The following FRS3 variants were observed in gnomAD, a reference collection of about 807,000 sequenced individuals.
FRS3 encodes the protein FGFR substrate 3.
FRS3 carries 17 observed loss-of-function variants against 41.9 expected under a neutral mutation model. The ratio of observed to expected loss-of-function variants is 0.41; its 90% CI spans 0.28 to 0.61. The LOEUF (loss-of-function observed/expected upper bound fraction) is 0.61. Among genes scored for constraint, FRS3 ranks in the 20% least tolerant of loss-of-function variants. FRS3 has a pLI of 0.36. For missense variants in FRS3, 619 were observed against 672.1 expected, an observed-to-expected ratio of 0.92 and a Z score of 0.87; for synonymous variants, 287 against 274.5, an observed-to-expected ratio of 1.05 and a Z score of -0.45.
At chr6:41,779,169 G>A (rs1772473350) in intron 1 of FRS3, among the ~76,000 whole-genome samples, 1 of 152,140 alleles carries the variant, frequency 6.6e-6, no homozygotes, top group Non-Finnish European at 1.5e-5. Flanking sequence ...TGGGGGAGGG[G>A]CTGAATTTCC....
At position 41,770,932 on chromosome 6, in the gene FRS3, G is replaced by A; in HGVS notation, c.1166C>T (p.Pro389Leu). 3 of 1,612,492 alleles carry A rather than the reference G, an allele frequency of 1.9e-6. No homozygotes were observed. Among genetic ancestry groups the A allele is most frequent in the Non-Finnish European group, 2.5e-6 (3 of 1,179,962 alleles). ...AIRSHGSFPV[P>L]LTRRRGSPRV... ...TGGGGAGCCGCGGCGGCGGGTCAGT[G>A]GCACAGGAAAGCTGCCGTGGCTGCG... Residue 389 changes from proline to leucine, a missense_variant, in exon 7 of 7, where the codon CCA becomes CTA. Coordinates refer to ENST00000373018, the MANE Select transcript of FRS3 (RefSeq NM_006653.5).
At chr6:41,777,110 C>A (rs1196121159) in intron 2 of FRS3, 100 bp from the exon 3 acceptor site, 2 of 788,046 alleles carry the variant, frequency 2.5e-6, no homozygotes, top group Admixed American at 4.0e-5. Context: ...ATCACCTACT[C>A]TGTCCAAGAG....
intron 1 of FRS3, among the ~76,000 whole-genome samples, chr6:41,778,392 G>A (rs1308944233): frequency 6.6e-6 from 1 of 152,184 alleles, no homozygotes; most frequent in Non-Finnish European, 1.5e-5. Context: ...ACATCAATAA[G>A]TTTGAAGTCT....
chr6:41,773,901 A>C (rs902054282), intron 4 of FRS3, among the ~76,000 whole-genome samples: 4 of 152,042 alleles, frequency 2.6e-5, no homozygotes, highest in South Asian at 2.1e-4. Context: ...AAGAAAAAAA[A>C]CAAAACCAAA....
In FRS3 at chr6:41,771,290, T is replaced by G; in HGVS notation, c.808A>C (p.Asn270His). 1 of 1,613,060 alleles carries G rather than the reference T, an allele frequency of 6.2e-7. No individual in the cohort carries two copies. The highest frequency in any genetic ancestry group is 8.5e-7 in the Non-Finnish European group (1 of 1,179,390). Residue 270 changes from asparagine to histidine, a missense_variant, in exon 7 of 7, where the codon AAT (asparagine) becomes CAT (histidine). Transcript: ENST00000373018. ...TCAGAAGGGGCCTCATTGTTATTAT[T>G]GTGGTGTGGGGGGTCATGCAGGCTG... is the stretch of plus-strand genomic sequence containing the variant. ...CPSLHDPPHH[N>H]NNNEAPSECP...
At chr6:41,776,398 A>T (rs1772411893) in intron 3 of FRS3, 1 of 152,782 alleles carries the variant, frequency 6.5e-6, no homozygotes. Context: ...AGTAGCTGGG[A>T]TTACAGGCGT....
At chr6:41,775,626 G>C (rs776029710) in intron 3 of FRS3, 21 bp from the exon 4 acceptor site, 1 of 1,594,930 alleles carries the variant, frequency 6.3e-7, no homozygotes, top group East Asian at 2.2e-5. Context: ...GAAGACAGAA[G>C]GGTCAATGAG....
chr6:41,779,782 C>G (rs1327048110), intron 1 of FRS3, 34 bp downstream of exon 1: 2 of 145,578 alleles, frequency 1.4e-5, no homozygotes, highest in African/African-American at 5.0e-5. Flanking sequence ...TCGGTGAAGC[C>G]GCCTCGTCCC....
chr6:41,778,092 A>T lies in FRS3; in HGVS notation c.-83T>A, dbSNP rs1581973167. 2 of 152,762 alleles carry T rather than the reference A, an allele frequency of 1.3e-5. No homozygotes were observed. The highest frequency in any genetic ancestry group is 3.9e-4 in the East Asian group (2 of 5,184). 9.5% of individuals were successfully genotyped at this position (152,762 alleles called of 1,614,324 possible). A position where few individuals can be genotyped will look rare whatever the true frequency, so the allele number is the denominator to read the frequency against. ...GGGCATGGGGAAGGGTTCCCACTTT[A>T]TTCCCCCCGTCCTTGGTGGGCTGTC... On this transcript the variant is annotated 5_prime_UTR_variant, in exon 2 of 7. An upstream open reading frame in the 5' UTR loses its in-frame stop. Coordinates refer to ENST00000373018, the MANE Select transcript of FRS3 (RefSeq NM_006653.5).
intron 3 of FRS3, among the ~76,000 whole-genome samples, chr6:41,776,182 T>G (rs529712587): frequency 6.0e-4 from 91 of 152,334 alleles, no homozygotes; most frequent in African/African-American, 2.1e-3. Flanking sequence ...ACAGGTCGAC[T>G]TGGGTCTGCC....
chr6:41,779,161 G>A (rs1313470500), intron 1 of FRS3, among the ~76,000 whole-genome samples: 1 of 152,100 alleles, frequency 6.6e-6, no homozygotes, highest in Non-Finnish European at 1.5e-5. Flanking sequence ...GTGCAAGATG[G>A]GGGAGGGGCT....
At chr6:41,777,046 T>A in intron 2 of FRS3, 36 bp from the exon 3 acceptor site, 1 of 1,502,106 alleles carries the variant, frequency 6.7e-7, no homozygotes, top group Non-Finnish European at 9.3e-7. Flanking sequence ...GGTCACCAAC[T>A]TCAGCTTCAA....
intron 1 of FRS3, among the ~76,000 whole-genome samples, chr6:41,778,691 A>G (rs1772460651): frequency 6.6e-6 from 1 of 152,194 alleles, no homozygotes; most frequent in Non-Finnish European, 1.5e-5. Flanking sequence ...GGGAGCTTCT[A>G]GCTTAAATAA....
At chr6:41,772,298 CA>C (rs1187718189) in intron 5 of FRS3, among the ~76,000 whole-genome samples, 1 of 152,022 alleles carries the variant, frequency 6.6e-6, no homozygotes, top group Admixed American at 6.6e-5. Flanking sequence ...GGAAGCTCCT[CA>C]AAAAAAGGGA....
At chr6:41,777,731 T>C (rs959083262) in intron 2 of FRS3, 11 of 152,186 alleles carry the variant, frequency 7.2e-5, no homozygotes, top group African/African-American at 2.7e-4. Flanking sequence ...CCTTACTATT[T>C]GGCTCTTCCC....
At position 41,770,999 on chromosome 6, in the gene FRS3, C is replaced by T. The variant is rs1400877535; in HGVS notation, c.1099G>A (p.Glu367Lys). 21 of 1,612,960 alleles carry T rather than the reference C, an allele frequency of 1.3e-5. No individual in the cohort carries two copies. Among genetic ancestry groups the T allele is most frequent in the East Asian group, 4.5e-5 (2 of 44,872 alleles). ...SNGFPDGEED[E>K]TPLQKPTSTR... ...CTGGTGGGCTTCTGCAGTGGGGTCT[C>T]GTCCTCCTCACCATCAGGGAAGCCA... Residue 367 changes from glutamate to lysine, a missense_variant, in exon 7 of 7, where the codon GAG (glutamate) becomes AAG (lysine). Glu to Lys is a moderately conservative substitution (Grantham distance 56). Coordinates refer to ENST00000373018, the MANE Select transcript of FRS3 (RefSeq NM_006653.5).
In FRS3 at chr6:41,778,408, G is replaced by A. The variant is rs577098748; in HGVS notation, c.-167-232C>T. ...CATCAATAAGTTTGAAGTCTAAGAC[G>A]ACCAAAGACCTTTTAAGTCACTTTA... On this transcript the variant is annotated intron_variant, in intron 1 of 6. Coordinates refer to ENST00000373018, the MANE Select transcript of FRS3 (RefSeq NM_006653.5). Among the ~76,000 whole-genome samples the A allele has an allele frequency of 3.9e-5, 6 of 152,220 alleles. No individual in the cohort carries two copies. The South Asian group carries it at 8.3e-4, about 21-fold the overall frequency.
Position 41,771,443 on chromosome 6 carries a change from A to C in FRS3, c.655T>G (p.Phe219Val), listed in dbSNP as rs1233773473. The change falls in exon 7 of 7, where the codon TTC becomes GTC. Residue 219 changes from phenylalanine (F) to valine (V), a missense_variant. Phe to Val is a conservative substitution (Grantham distance 50, BLOSUM62 -1). This residue lies in a region of FRS3 where 487 missense variants were observed against 478.3 expected (regional missense o/e 1.02). Transcript: ENST00000373018. ...TCAGGTCCCCGGGCCTGCGGGAGGA[A>C]GGGTGCCTGACCCTCAGGCAGGGGC... Reference protein sequence around the residue: ...LQPLPEGQAPFLPQARGPDQR... With the variant: ...LQPLPEGQAPVLPQARGPDQR... 6.2e-7 allele frequency: 1 copy of C among 1,610,834 alleles called. No homozygotes were observed. The highest frequency in any genetic ancestry group is 1.1e-5 in the South Asian group (1 of 90,746).
chr6:41,779,242 G>A lies in FRS3; in HGVS notation c.-168+574C>T, dbSNP rs115138309. Among the ~76,000 whole-genome samples, 1,219 of 152,172 alleles carry A rather than the reference G, an allele frequency of 8.0e-3. 27 individuals are homozygous for A. Among genetic ancestry groups the A allele is most frequent in the African/African-American group, 0.028 (1,151 of 41,484 alleles). ...TCAGATAGCCCACTGAGGAGGGACT[G>A]CATTGAGTGGAAATGGGGAGAGGCC... On this transcript the variant is annotated intron_variant, in intron 1 of 6. Transcript: ENST00000373018.
Sources: allele counts gnomAD v4.1 joint callset (sites outside exome capture counted in the v4.1 genomes callset), GRCh38; gene constraint gnomAD v4.1.1; regional missense constraint gnomAD v4.1.1; transcripts MANE v1.5; gene names NCBI Gene and HGNC (gene_info 2026-07-23, HGNC 2026-07-21).